GARNL3: variants seen among roughly 807,000 people sequenced by gnomAD.
GARNL3 encodes the protein GTPase-activating Rap/Ran-GAP domain-like protein 3.
In GARNL3, 63 loss-of-function variants were observed where a neutral mutation model predicts 125.0. That is an observed-to-expected ratio of 0.50 (90% confidence interval 0.41 to 0.62). The LOEUF (loss-of-function observed/expected upper bound fraction) is 0.62, where lower values mean the gene tolerates loss of function less well. Ranked by LOEUF, GARNL3 falls within the 20% of genes least tolerant of loss-of-function variation. GARNL3 has a pLI of 0.00. For synonymous variants in GARNL3, 439 were observed against 457.5 expected (o/e 0.96, Z 0.52); for missense variants, 994 against 1,244.0 (o/e 0.80, Z 3.02).
chr9:127,300,558 G>A (rs2064751724), intron 2 of GARNL3: 4 of 323,718 alleles, frequency 1.2e-5, no homozygotes, highest in South Asian at 5.4e-5. Flanking sequence ...AGGTTCAAGC[G>A]ATTCTCCTGC....
At chr9:127,362,816 G>A (rs373172989) in intron 21 of GARNL3, 3 of 152,362 alleles carry the variant, frequency 2.0e-5, no homozygotes, top group Admixed American at 6.5e-5. Flanking sequence ...CCGAGCTCCA[G>A]GCCCTGTGCT....
chr9:127,254,914 G>C (rs2063471516), intron 2 of GARNL3, among the ~76,000 whole-genome samples: 2 of 152,282 alleles, frequency 1.3e-5, no homozygotes, highest in South Asian at 4.1e-4. Context: ...AAGCTCTTGA[G>C]CTATCAGAGG....
At chr9:127,298,616 T>G (rs9299318) in intron 2 of GARNL3, among the ~76,000 whole-genome samples, 121,297 of 152,222 alleles carry the variant, frequency 0.8, 48,629 homozygotes, top group African/African-American at 0.86. Flanking sequence ...TTATAAATAA[T>G]ATTGTAATGA....
chr9:127,237,502 C>T (rs553176640), intron 1 of GARNL3, among the ~76,000 whole-genome samples: 3 of 152,348 alleles, frequency 2.0e-5, no homozygotes, highest in South Asian at 2.1e-4. Context: ...CCAACTTTTG[C>T]ACAGTGGAAG....
chr9:127,261,485 A>G (rs1431634662), upstream of GARNL3, among the ~76,000 whole-genome samples: 8 of 135,802 alleles, frequency 5.9e-5, no homozygotes, highest in African/African-American at 2.0e-4. Flanking sequence ...ATCTCAGCTT[A>G]CCGCAACCTC....
At chr9:127,264,327 G>C (rs574361719), upstream of GARNL3, 13 of 230,916 alleles carry the variant, frequency 5.6e-5, no homozygotes, top group Non-Finnish European at 9.2e-5. Flanking sequence ...AGCCTTTTTG[G>C]GGGGTGGGTA....
intron 11 of GARNL3, 124 bp downstream of exon 11, chr9:127,336,360 T>G (rs1160350955): frequency 1.8e-5 from 11 of 606,944 alleles, no homozygotes; most frequent in Non-Finnish European, 2.9e-5. Context: ...TAGACTCACT[T>G]TTGGGGAATT....
intron 21 of GARNL3, among the ~76,000 whole-genome samples, chr9:127,359,099 C>G (rs368989577): frequency 1.3e-5 from 2 of 152,190 alleles, no homozygotes; most frequent in African/African-American, 4.8e-5. Flanking sequence ...CCACTCCCCC[C>G]ACCCGCCGCC....
rs769107436 is a variant in GARNL3 at position 127,333,010 on chromosome 9, C to T, written c.671-13C>T. On this transcript the variant is annotated splice_polypyrimidine_tract_variant and intron_variant, in intron 8 of 27. Transcript: ENST00000373387. Reference sequence around the variant, plus strand: ...ATGCCCATACTTTCCTCATACTCTACTTCTTCCTGCAGAAATTGGAAGCGA... The same window carrying T: ...ATGCCCATACTTTCCTCATACTCTATTTCTTCCTGCAGAAATTGGAAGCGA... The T allele has an allele frequency of 1.3e-6, 2 of 1,591,270 alleles. No homozygotes were observed. The highest frequency in any genetic ancestry group is 1.1e-5 in the South Asian group (1 of 90,618).
At chr9:127,308,729 G>A (rs2065020079) in intron 2 of GARNL3, among the ~76,000 whole-genome samples, 2 of 152,192 alleles carry the variant, frequency 1.3e-5, no homozygotes, top group Admixed American at 1.3e-4. Context: ...TGGCATCAAT[G>A]TTAGACTTAG....
chr9:127,297,729 A>T (rs1330895660), intron 2 of GARNL3, among the ~76,000 whole-genome samples: 1 of 152,234 alleles, frequency 6.6e-6, no homozygotes, highest in Non-Finnish European at 1.5e-5. Flanking sequence ...GCAGAATCCC[A>T]TTTTTAAAAT....
chr9:127,286,971 C>A (rs1338049742), intron 1 of GARNL3, among the ~76,000 whole-genome samples: 11 of 152,158 alleles, frequency 7.2e-5, no homozygotes, highest in Admixed American at 7.2e-4. Context: ...TCAAGAAAAT[C>A]TGCTGTCTTC....
At chr9:127,379,726 C>T (rs774793944) in intron 22 of GARNL3, among the ~76,000 whole-genome samples, 3 of 152,142 alleles carry the variant, frequency 2.0e-5, no homozygotes, top group South Asian at 2.1e-4. Context: ...AAGTGCCATA[C>T]AGTGAGTTAA....
chr9:127,383,577 C>T (rs1832385939), intron 23 of GARNL3, 32 bp downstream of exon 23: 1 of 1,405,296 alleles, frequency 7.1e-7, no homozygotes, highest in Non-Finnish European at 1.0e-6. Context: ...ATGCTTTTCT[C>T]CTTCATGGAT....
chr9:127,321,706 A>G (rs1197795504), intron 6 of GARNL3, among the ~76,000 whole-genome samples: 1 of 152,222 alleles, frequency 6.6e-6, no homozygotes, highest in Non-Finnish European at 1.5e-5. Context: ...TCACTAGTAG[A>G]GTGCCTGTCA....
At chr9:127,282,002 C>T (rs1240116428) in intron 1 of GARNL3, among the ~76,000 whole-genome samples, 1 of 152,214 alleles carries the variant, frequency 6.6e-6, no homozygotes, top group East Asian at 1.9e-4. Flanking sequence ...ATGCAACCTT[C>T]CCCAGTTCCC....
At chr9:127,251,409 GT>G (rs941755579) in intron 2 of GARNL3, among the ~76,000 whole-genome samples, 9 of 146,844 alleles carry the variant, frequency 6.1e-5, no homozygotes, top group African/African-American at 2.4e-4. Context: ...GTTTTGTTTT[GT>G]TTTTTTCAGG....
intron 2 of GARNL3, among the ~76,000 whole-genome samples, chr9:127,309,863 T>C (rs758913918): frequency 1.3e-5 from 2 of 152,204 alleles, no homozygotes; most frequent in Non-Finnish European, 2.9e-5. Flanking sequence ...AGTAAATCGC[T>C]AGAGGCATGT....
At chr9:127,294,000 T>C (rs1406833645) in intron 2 of GARNL3, among the ~76,000 whole-genome samples, 1 of 152,174 alleles carries the variant, frequency 6.6e-6, no homozygotes. Context: ...GACAACTTCC[T>C]TGTAGTTTTT....
Sources: gnomAD v4.1 joint callset for allele counts (sites outside exome capture counted in the v4.1 genomes callset) on GRCh38, gnomAD v4.1.1 for gene constraint, MANE v1.5 for transcripts, NCBI Gene and HGNC (gene_info 2026-07-23, HGNC 2026-07-21) for gene names.